NRXN1: variants seen among roughly 807,000 people sequenced by gnomAD.
NRXN1 encodes the protein neurexin-1.
NRXN1 carries 39 observed loss-of-function variants against 150.9 expected under a neutral mutation model. That is an observed-to-expected ratio of 0.26 (90% confidence interval 0.20 to 0.34). The LOEUF (loss-of-function observed/expected upper bound fraction) is 0.34. Ranked by LOEUF, NRXN1 falls within the 10% of genes least tolerant of loss-of-function variation. The pLI is 1.00. For synonymous variants in NRXN1, 924 were observed against 757.0 expected (o/e 1.22, Z -3.62); for missense variants, 1,815 against 1,949.9 (o/e 0.93, Z 1.30).
intron 18 of NRXN1, among the ~76,000 whole-genome samples, chr2:50,107,354 G>A (rs1269424156): frequency 6.6e-6 from 1 of 150,422 alleles, no homozygotes; most frequent in Admixed American, 6.6e-5. Context: ...CTATTCAACT[G>A]GAAATTGTAT....
chr2:50,617,952 T>C (rs535113137), intron 8 of NRXN1, among the ~76,000 whole-genome samples: 1 of 152,326 alleles, frequency 6.6e-6, no homozygotes, highest in South Asian at 2.1e-4. Flanking sequence ...TATCAGAAGA[T>C]TATGTGTCTC....
intron 17 of NRXN1, among the ~76,000 whole-genome samples, chr2:50,398,808 T>A (rs979259031): frequency 6.6e-6 from 1 of 152,282 alleles, no homozygotes; most frequent in East Asian, 1.9e-4. Flanking sequence ...TTCCACTATA[T>A]CTAGCTTGGT....
intron 2 of NRXN1, among the ~76,000 whole-genome samples, chr2:51,004,726 T>C (rs187827678): frequency 6.6e-6 from 1 of 151,912 alleles, no homozygotes; most frequent in Non-Finnish European, 1.5e-5. Context: ...CTCTCACCTA[T>C]AAATGTTATG....
intron 2 of NRXN1, among the ~76,000 whole-genome samples, chr2:50,931,163 T>G (rs964765146): frequency 1.3e-5 from 2 of 152,148 alleles, no homozygotes; most frequent in African/African-American, 4.8e-5. Context: ...CTCCCACTAA[T>G]AAGACTAATG....
chr2:50,735,214 A>C (rs1002033934), intron 5 of NRXN1, among the ~76,000 whole-genome samples: 6 of 151,684 alleles, frequency 4.0e-5, no homozygotes, highest in African/African-American at 1.5e-4. Context: ...CTCTCTGGAT[A>C]CCTTTATAAT....
At chr2:50,520,440 G>C (rs889293207) in intron 12 of NRXN1, among the ~76,000 whole-genome samples, 4 of 151,424 alleles carry the variant, frequency 2.6e-5, no homozygotes, top group Admixed American at 6.6e-5. Context: ...AAAAAACATT[G>C]TAGAAATTAT....
In NRXN1 at chr2:50,933,786, C is replaced by T. The variant is rs141807401; in HGVS notation, c.773-7831G>A. Among the ~76,000 whole-genome samples the T allele has an allele frequency of 4.6e-3, 697 of 152,146 alleles. 33 individuals are homozygous for T. In the East Asian group the frequency reaches 0.078, roughly 17 times the overall value. ...CTTTTTAATGTTTTCCTGAAATGGG[C>T]ATTCACTACTTAAGAAAACATGCTG... On this transcript the variant is annotated intron_variant, in intron 2 of 22. Coordinates refer to ENST00000401669, the MANE Select transcript of NRXN1 (RefSeq NM_001330078.2).
intron 19 of NRXN1, 32 bp downstream of exon 19, chr2:50,091,291 A>G (rs760142734): frequency 6.2e-7 from 1 of 1,613,040 alleles, no homozygotes; most frequent in Admixed American, 1.7e-5. Context: ...TTTTTCATAA[A>G]ATCTTCCCCC....
At chr2:50,377,912 T>A (rs2080646520) in intron 17 of NRXN1, among the ~76,000 whole-genome samples, 1 of 152,178 alleles carries the variant, frequency 6.6e-6, no homozygotes, top group South Asian at 2.1e-4. Context: ...AAGCTATAGT[T>A]GCTCCATAGG....
intron 5 of NRXN1, among the ~76,000 whole-genome samples, chr2:50,750,726 C>T (rs1020886555): frequency 1.3e-5 from 2 of 151,918 alleles, no homozygotes; most frequent in South Asian, 2.1e-4. Flanking sequence ...TAACCACCAC[C>T]GAAGTACTGA....
intron 15 of NRXN1, among the ~76,000 whole-genome samples, chr2:50,477,347 G>A (rs2090071942): frequency 6.6e-6 from 1 of 152,208 alleles, no homozygotes; most frequent in African/African-American, 2.4e-5. Flanking sequence ...ATCCGGAGGA[G>A]AAATAAAATT....
chr2:50,449,976 C>T (rs992367539), intron 17 of NRXN1, among the ~76,000 whole-genome samples: 1 of 152,160 alleles, frequency 6.6e-6, no homozygotes, highest in East Asian at 1.9e-4. Flanking sequence ...CACACAGATG[C>T]CATGTGGCAG....
intron 22 of NRXN1, among the ~76,000 whole-genome samples, chr2:49,928,820 A>G (rs1022993636): frequency 6.6e-6 from 1 of 152,096 alleles, no homozygotes; most frequent in African/African-American, 2.4e-5. Context: ...GAAGTGAGGG[A>G]TGCTGACTGT....
intron 5 of NRXN1, among the ~76,000 whole-genome samples, chr2:50,778,976 T>C (rs2105500360): frequency 6.6e-6 from 1 of 152,304 alleles, no homozygotes; most frequent in Non-Finnish European, 1.5e-5. Context: ...TTTTGATTTA[T>C]GCCTTGCCAA....
intron 17 of NRXN1, among the ~76,000 whole-genome samples, chr2:50,424,459 C>T (rs13013610): frequency 0.3 from 45,721 of 151,740 alleles, 7,149 homozygotes; most frequent in East Asian, 0.39. Context: ...CTGGGAGACA[C>T]TCTGCTTGTC....
At chr2:50,978,846 G>T (rs542869129) in intron 2 of NRXN1, among the ~76,000 whole-genome samples, 3 of 152,120 alleles carry the variant, frequency 2.0e-5, no homozygotes, top group South Asian at 2.1e-4. Flanking sequence ...TAATATGTGT[G>T]AACTTGTAGG....
intron 18 of NRXN1, among the ~76,000 whole-genome samples, chr2:50,210,800 T>C (rs2062961192): frequency 1.3e-5 from 2 of 151,510 alleles, no homozygotes; most frequent in African/African-American, 4.8e-5. Context: ...ACTATAATTT[T>C]ATTGATATTT....
At chr2:50,931,190 G>T (rs1196288538) in intron 2 of NRXN1, among the ~76,000 whole-genome samples, 1 of 152,030 alleles carries the variant, frequency 6.6e-6, no homozygotes, top group African/African-American at 2.4e-5. Flanking sequence ...ATTTGAAAGA[G>T]CTGTCAAATG....
chr2:49,966,920 TACAA>T (rs1380774942), intron 21 of NRXN1, among the ~76,000 whole-genome samples: 1 of 152,114 alleles, frequency 6.6e-6, no homozygotes, highest in Admixed American at 6.6e-5. Flanking sequence ...AAAAAGCAGG[TACAA>T]ACAAAGAACT....
Sources: gnomAD v4.1 joint callset for allele counts (sites outside exome capture counted in the v4.1 genomes callset) on GRCh38, gnomAD v4.1.1 for gene constraint, MANE v1.5 for transcripts, NCBI Gene and HGNC (gene_info 2026-07-23, HGNC 2026-07-21) for gene names.